Variants in TUSC3 observed in about 807,000 individuals in gnomAD.
TUSC3 encodes tumor suppressor candidate 3.
In TUSC3, 45 loss-of-function variants were observed where a neutral mutation model predicts 44.8. The ratio of observed to expected loss-of-function variants is 1.00; its 90% CI spans 0.79 to 1.29. The LOEUF is 1.29. TUSC3 is among the 50% of genes most tolerant of loss of function. The pLI is 0.00. For synonymous variants in TUSC3, 212 were observed against 152.9 expected (o/e 1.39, Z -2.85); for missense variants, 519 against 437.9 (o/e 1.19, Z -1.65).
chr8:15,792,782 G>C, the TUSC3 span, among the ~76,000 whole-genome samples: 1 of 151,792 alleles, frequency 6.6e-6, no homozygotes, highest in African/African-American at 2.4e-5. Context: ...CCACAACCAG[G>C]TAATTTTTGT....
intron 1 of TUSC3, among the ~76,000 whole-genome samples, chr8:15,608,733 A>T (rs1411464796): frequency 6.6e-6 from 1 of 152,050 alleles, no homozygotes; most frequent in Non-Finnish European, 1.5e-5. Flanking sequence ...ACCATGTAAG[A>T]TGTGCCAGCT....
At chr8:15,743,668 A>C in intron 8 of TUSC3, 56 bp downstream of exon 8, 1 of 1,566,912 alleles carries the variant, frequency 6.4e-7, no homozygotes, top group Non-Finnish European at 8.8e-7. Flanking sequence ...GATTCATTTA[A>C]GTCAAATGGG....
At chr8:15,450,458 G>A (rs1800181900) in intron 1 of TUSC3, among the ~76,000 whole-genome samples, 1 of 152,100 alleles carries the variant, frequency 6.6e-6, no homozygotes, top group Admixed American at 6.6e-5. Context: ...GACCAAGGCA[G>A]GCAGATCACA....
At chr8:15,448,108 C>CATATATATATATATATATAT (rs376338237) in intron 1 of TUSC3, among the ~76,000 whole-genome samples, 28 of 96,460 alleles carry the variant, frequency 2.9e-4, no homozygotes, top group African/African-American at 1.4e-3. Context: ...AGTGTATATA[C>CATATATATATATATATATAT]ATATATATAT....
chr8:15,492,784 A>G (rs906447261), intron 2 of TUSC3, among the ~76,000 whole-genome samples: 2 of 151,570 alleles, frequency 1.3e-5, no homozygotes, highest in African/African-American at 4.8e-5. Context: ...TAAAAAGGAA[A>G]AAAAAAAAAA....
chr8:15,452,839 A>T (rs1800211195), intron 1 of TUSC3, among the ~76,000 whole-genome samples: 1 of 152,124 alleles, frequency 6.6e-6, no homozygotes, highest in Non-Finnish European at 1.5e-5. Flanking sequence ...CCTTACAGTA[A>T]GCTCCTCTTG....
At chr8:15,800,063 C>G in the TUSC3 span, among the ~76,000 whole-genome samples, 7 of 152,300 alleles carry the variant, frequency 4.6e-5, no homozygotes, top group African/African-American at 1.7e-4. Context: ...GACATAACTC[C>G]TCTATCTTCC....
chr8:15,552,686 G>A (rs1468071066), intron 1 of TUSC3, among the ~76,000 whole-genome samples: 1 of 151,624 alleles, frequency 6.6e-6, no homozygotes, highest in East Asian at 2.0e-4. Flanking sequence ...GTGGAAGTGA[G>A]GATCAAATCT....
At chr8:15,567,651 C>G (rs747519304) in intron 1 of TUSC3, among the ~76,000 whole-genome samples, 9 of 151,866 alleles carry the variant, frequency 5.9e-5, no homozygotes, top group Non-Finnish European at 8.8e-5. Flanking sequence ...TGAGAGTGAG[C>G]AAAAAATAAT....
At chr8:15,664,183 A>G (rs1034025243) in intron 5 of TUSC3, among the ~76,000 whole-genome samples, 10 of 151,888 alleles carry the variant, frequency 6.6e-5, no homozygotes, top group African/African-American at 1.9e-4. Context: ...CTCAACTTGT[A>G]GAAGCTTACA....
chr8:15,533,795 G>T lies in TUSC3; in HGVS notation n.189+50312G>T, dbSNP rs139565599. ...TTCTGTGTTGAGAAGTTTACTGAGG[G>T]GTTGAAATGTCTCTGGCCAGATGGG... On this transcript the variant is annotated intron_variant and non_coding_transcript_variant, in intron 2 of 5. Transcript: ENST00000503191. Among the ~76,000 whole-genome samples the T allele has an allele frequency of 2.6e-5, 4 of 152,244 alleles. No individual in the cohort carries two copies. The East Asian group carries it at 7.7e-4, about 29-fold the overall frequency.
the TUSC3 span, among the ~76,000 whole-genome samples, chr8:15,832,762 G>A: frequency 0.56 from 85,359 of 151,738 alleles, 26,547 homozygotes; most frequent in Non-Finnish European, 0.72. Flanking sequence ...ACCCAACACA[G>A]GAGCACCCAC....
intron 5 of TUSC3, among the ~76,000 whole-genome samples, chr8:15,664,569 C>A (rs559974308): frequency 6.7e-6 from 1 of 149,308 alleles, no homozygotes; most frequent in Non-Finnish European, 1.5e-5. Context: ...TATGCCTGCT[C>A]CCCAATCACA....
At chr8:15,716,811 A>T (rs1810078248) in intron 6 of TUSC3, among the ~76,000 whole-genome samples, 1 of 152,108 alleles carries the variant, frequency 6.6e-6, no homozygotes, top group Non-Finnish European at 1.5e-5. Flanking sequence ...TATTTAAATC[A>T]TCACTTTTTC....
chr8:15,811,329 A>G, the TUSC3 span, among the ~76,000 whole-genome samples: 1 of 152,176 alleles, frequency 6.6e-6, no homozygotes, highest in Non-Finnish European at 1.5e-5. Flanking sequence ...TCAAGTGTCT[A>G]TAACTACATC....
chr8:15,780,386 T>A, the TUSC3 span, among the ~76,000 whole-genome samples: 2 of 152,150 alleles, frequency 1.3e-5, no homozygotes, highest in African/African-American at 4.8e-5. Flanking sequence ...TCCCCATGGT[T>A]TGGCTCTTGA....
chr8:15,532,059 T>A (rs1446752071), intron 2 of TUSC3, among the ~76,000 whole-genome samples: 1 of 152,230 alleles, frequency 6.6e-6, no homozygotes, highest in Non-Finnish European at 1.5e-5. Flanking sequence ...TGACTTACTC[T>A]TTTTTGTGTG....
intron 5 of TUSC3, among the ~76,000 whole-genome samples, chr8:15,662,884 C>A (rs1359819765): frequency 1.3e-5 from 2 of 151,820 alleles, no homozygotes; most frequent in Admixed American, 6.6e-5. Context: ...ACAAGCTTCC[C>A]AGATTGTGAC....
rs62506263 is a variant in TUSC3 at position 15,618,128 on chromosome 8, G to A, written c.139-4952G>A. On this transcript the variant is annotated intron_variant, in intron 1 of 10. Transcript: ENST00000503731. The stretch of plus-strand genomic sequence containing the variant: ...CTCCATGAATGGAGCTTTCAGGCCT[G>A]GAGGTTGCTCTGGGTGAATAAGTCA... Among the ~76,000 whole-genome samples the A allele has an allele frequency of 7.2e-3, 1,089 of 152,274 alleles. 6 individuals are homozygous for A. Among genetic ancestry groups the A allele is most frequent in the Non-Finnish European group, 0.011 (753 of 68,028 alleles).
Sources: gnomAD v4.1 joint callset for allele counts (sites outside exome capture counted in the v4.1 genomes callset) on GRCh38, gnomAD v4.1.1 for gene constraint, MANE v1.5 for transcripts, NCBI Gene and HGNC (gene_info 2026-07-23, HGNC 2026-07-21) for gene names.